Variants in PCDHGB2 observed in about 807,000 individuals in gnomAD.
PCDHGB2 encodes the protein protocadherin gamma subfamily B, 2.
PCDHGB2 carries 55 observed loss-of-function variants against 59.3 expected under a neutral mutation model. That is an observed-to-expected ratio of 0.93 (90% confidence interval 0.75 to 1.16). PCDHGB2 has a LOEUF of 1.16. PCDHGB2 is among the 50% of genes most tolerant of loss of function. The probability of loss-of-function intolerance (pLI) is 0.00; values close to 1 mark genes in which losing one functional copy is unlikely to be tolerated. For synonymous variants in PCDHGB2, 516 were observed against 512.0 expected (o/e 1.01, Z -0.11); for missense variants, 1,228 against 1,198.5 (o/e 1.02, Z -0.36).
intron 1 of PCDHGB2, chr5:141,404,402 A>T: frequency 6.2e-7 from 1 of 1,613,850 alleles, no homozygotes; most frequent in Non-Finnish European, 8.5e-7. Context: ...TAGCAATGAG[A>T]ATTCTAGAGT....
In PCDHGB2 at chr5:141,511,402, A is replaced by C; in HGVS notation, c.*229A>C. On this transcript the variant is annotated 3_prime_UTR_variant, in exon 4 of 4. Transcript: ENST00000522605. Reference sequence around the variant, plus strand: ...TTCCGCTGGGAACCCCCATCCAATCAACTGCTGTACCCATGGGGGTAGTGG... The same window carrying C: ...TTCCGCTGGGAACCCCCATCCAATCCACTGCTGTACCCATGGGGGTAGTGG... The C allele has an allele frequency of 1.0e-6, 1 of 969,684 alleles. No individual in the cohort carries two copies. 60.1% of individuals were successfully genotyped at this position (969,684 alleles called of 1,614,324 possible).
chr5:141,416,523 C>G (rs2096035969), intron 1 of PCDHGB2: 1 of 152,064 alleles, frequency 6.6e-6, no homozygotes, highest in Admixed American at 6.6e-5. Flanking sequence ...TTCAGTGGCT[C>G]TTTAATGTAT....
chr5:141,476,029 A>G lies in PCDHGB2; in HGVS notation c.2422-18778A>G, dbSNP rs975943706. The G allele has an allele frequency of 2.3e-5, 34 of 1,455,312 alleles. No homozygotes were observed. The highest frequency in any genetic ancestry group is 1.1e-4 in the African/African-American group (8 of 70,728). 90.1% of individuals were successfully genotyped at this position (1,455,312 alleles called of 1,614,324 possible). A position where few individuals can be genotyped will look rare whatever the true frequency, so the allele number is the denominator to read the frequency against. On this transcript the variant is annotated intron_variant, in intron 1 of 3. Transcript: ENST00000522605. The surrounding 1 kb of genome is among the most constrained non-coding windows in gnomAD (Gnocchi z 7.6). The stretch of plus-strand genomic sequence containing the variant: ...GAAAGCCATGTCGGACTCGGCGCCC[A>G]GCGCCCAAGCGCTAACCCGCTGAAA...
intron 1 of PCDHGB2, among the ~76,000 whole-genome samples, chr5:141,380,556 A>G (rs560395127): frequency 1.3e-5 from 2 of 152,362 alleles, no homozygotes; most frequent in South Asian, 2.1e-4. Flanking sequence ...CTTATGTTAG[A>G]TTTTATTAAA....
intron 1 of PCDHGB2, chr5:141,419,647 G>A (rs370948584): frequency 1.0e-4 from 165 of 1,612,474 alleles, no homozygotes; most frequent in Non-Finnish European, 1.4e-4. Context: ...CCGTGGACGC[G>A]GACTCGGGGC....
chr5:141,383,987 G>T, intron 1 of PCDHGB2: 6 of 1,613,730 alleles, frequency 3.7e-6, no homozygotes, highest in Non-Finnish European at 5.1e-6. Flanking sequence ...ACACCTCTTG[G>T]GACAGTCATT....
chr5:141,435,807 T>A (rs2097781241), intron 1 of PCDHGB2, among the ~76,000 whole-genome samples: 1 of 152,040 alleles, frequency 6.6e-6, no homozygotes, highest in South Asian at 2.1e-4. Context: ...CCCAATTATT[T>A]TTTCTTTCTT....
intron 2 of PCDHGB2, among the ~76,000 whole-genome samples, chr5:141,501,136 G>A (rs909142955): frequency 6.6e-6 from 1 of 152,090 alleles, no homozygotes; most frequent in Non-Finnish European, 1.5e-5. Context: ...CTAAGTGCTG[G>A]GATTACAGGT....
At chr5:141,446,860 G>A (rs969206755) in intron 1 of PCDHGB2, among the ~76,000 whole-genome samples, 17 of 152,162 alleles carry the variant, frequency 1.1e-4, no homozygotes, top group African/African-American at 3.9e-4. Flanking sequence ...CTTCCTGATA[G>A]CTCTACACTG....
At chr5:141,494,714 C>G in intron 1 of PCDHGB2, 93 bp from the exon 2 acceptor site, 2 of 1,603,958 alleles carry the variant, frequency 1.2e-6, no homozygotes, top group East Asian at 4.5e-5. Context: ...TGTGCCCACT[C>G]CCCTCCTTCT....
intron 1 of PCDHGB2, chr5:141,370,471 A>G (rs773034189): frequency 3.1e-6 from 5 of 1,613,570 alleles, no homozygotes; most frequent in Non-Finnish European, 4.2e-6. Flanking sequence ...TCTTTGTTAG[A>G]CCAGGCTCTC....
At chr5:141,408,857 G>A (rs372861749) in intron 1 of PCDHGB2, 4 of 1,613,542 alleles carry the variant, frequency 2.5e-6, no homozygotes, top group Non-Finnish European at 3.4e-6. Flanking sequence ...GGACGGAGGG[G>A]ACCCACCAAG....
At chr5:141,385,430 A>G (rs1781192913) in intron 1 of PCDHGB2, 1 of 1,458,668 alleles carries the variant, frequency 6.9e-7, no homozygotes. Context: ...AAAACTTTAT[A>G]GAGGTAAAAA....
chr5:141,398,975 G>A, intron 1 of PCDHGB2: 2 of 1,613,926 alleles, frequency 1.2e-6, no homozygotes, highest in Middle Eastern at 1.6e-4. Context: ...TCCTTCTACA[G>A]AACCGGGCAA....
chr5:141,427,883 C>G (rs2097084423), intron 1 of PCDHGB2: 3 of 1,563,818 alleles, frequency 1.9e-6, no homozygotes, highest in Non-Finnish European at 1.7e-6. Flanking sequence ...TGCAGGCCCA[C>G]GACCAGGGCT....
intron 1 of PCDHGB2, chr5:141,419,335 T>C: frequency 6.2e-7 from 1 of 1,613,886 alleles, no homozygotes; most frequent in Non-Finnish European, 8.5e-7. Context: ...ACTCTCTCAT[T>C]GCCAGCGACC....
intron 1 of PCDHGB2, chr5:141,404,764 C>G: frequency 6.2e-7 from 1 of 1,613,920 alleles, no homozygotes; most frequent in Non-Finnish European, 8.5e-7. Context: ...ATGCTTGGCT[C>G]TCCTACCGCC....
chr5:141,456,383 T>G (rs1372337704), intron 1 of PCDHGB2, among the ~76,000 whole-genome samples: 4 of 152,130 alleles, frequency 2.6e-5, no homozygotes, highest in Admixed American at 2.6e-4. Flanking sequence ...ACAGCACCGT[T>G]TGGAGTTTGA....
chr5:141,413,645 C>T, intron 1 of PCDHGB2: 9 of 1,613,834 alleles, frequency 5.6e-6, no homozygotes, highest in Non-Finnish European at 7.6e-6. Context: ...ATGCGTTTTC[C>T]TCTCCCGGAA....
Sources: allele counts gnomAD v4.1 joint callset (sites outside exome capture counted in the v4.1 genomes callset), GRCh38; gene constraint gnomAD v4.1.1; non-coding constraint Gnocchi (gnomAD v3.1); transcripts MANE v1.5; gene names NCBI Gene and HGNC (gene_info 2026-07-23, HGNC 2026-07-21).